The following CACNA1C variants were observed in gnomAD, a reference collection of about 807,000 sequenced individuals.
CACNA1C encodes calcium voltage-gated channel subunit alpha1 C.
In CACNA1C, 30 loss-of-function variants were observed where a neutral mutation model predicts 229.0. The ratio of observed to expected loss-of-function variants is 0.13; its 90% CI spans 0.10 to 0.18. CACNA1C has a LOEUF of 0.18. CACNA1C is among the 10% of genes least tolerant of loss of function. CACNA1C has a pLI of 1.00. For synonymous variants in CACNA1C, 1,114 were observed against 1,132.5 expected, an observed-to-expected ratio of 0.98 and a Z score of 0.33; for missense variants, 1,658 against 2,845.0, an observed-to-expected ratio of 0.58 and a Z score of 9.49.
intron 1 of CACNA1C, among the ~76,000 whole-genome samples, chr12:2,062,097 ACCCCCAG>A: frequency 6.6e-6 from 1 of 152,158 alleles, no homozygotes; most frequent in Non-Finnish European, 1.5e-5. Context: ...ACCTTGTTCT[ACCCCCAG>A]CTCTGGTCCT....
chr12:2,163,792 C>T (rs1053097070), intron 3 of CACNA1C, among the ~76,000 whole-genome samples: 47 of 152,186 alleles, frequency 3.1e-4, no homozygotes, highest in South Asian at 8.3e-4. Context: ...GATGATGGCT[C>T]GGCGGGGTCA....
At chr12:2,415,466 C>T (rs1208175136) in intron 3 of CACNA1C, among the ~76,000 whole-genome samples, 1 of 152,198 alleles carries the variant, frequency 6.6e-6, no homozygotes, top group Non-Finnish European at 1.5e-5. Flanking sequence ...AAATATTCAG[C>T]TTTTCTTCCA....
chr12:2,383,756 C>A (rs963350659), intron 3 of CACNA1C, among the ~76,000 whole-genome samples: 1 of 152,142 alleles, frequency 6.6e-6, no homozygotes, highest in Non-Finnish European at 1.5e-5. Flanking sequence ...AGTGAAGTAC[C>A]CTTTGCCCCA....
intron 30 of CACNA1C, among the ~76,000 whole-genome samples, chr12:2,643,864 T>G (rs917780113): frequency 6.6e-6 from 1 of 152,092 alleles, no homozygotes; most frequent in Non-Finnish European, 1.5e-5. Context: ...CCGAGGTCTC[T>G]CCCTCAAAGC....
chr12:2,084,119 T>C (rs945580874), intron 1 of CACNA1C, among the ~76,000 whole-genome samples: 2 of 152,212 alleles, frequency 1.3e-5, no homozygotes, highest in African/African-American at 4.8e-5. Context: ...TTGAAAAACT[T>C]TTCACATAGT....
chr12:2,626,006 T>A (rs1426729522), intron 29 of CACNA1C, among the ~76,000 whole-genome samples: 1 of 152,222 alleles, frequency 6.6e-6, no homozygotes, highest in East Asian at 1.9e-4. Context: ...ACTCTGGTTA[T>A]TCCCATGTTG....
chr12:2,321,871 G>A (rs887646965), intron 3 of CACNA1C, among the ~76,000 whole-genome samples: 2 of 152,184 alleles, frequency 1.3e-5, no homozygotes, highest in Admixed American at 6.5e-5. Flanking sequence ...TTCCTTCCTC[G>A]AAGGTAAAGT....
chr12:2,089,549 A>G (rs537060738), intron 1 of CACNA1C, among the ~76,000 whole-genome samples: 1 of 152,334 alleles, frequency 6.6e-6, no homozygotes, highest in Admixed American at 6.5e-5. Context: ...AGGATGCCAT[A>G]AGAATCTTGG....
At chr12:2,685,492 G>A (rs1280332728) in intron 43 of CACNA1C, among the ~76,000 whole-genome samples, 2 of 151,922 alleles carry the variant, frequency 1.3e-5, no homozygotes, top group Non-Finnish European at 2.9e-5. Context: ...CCCCAAGTCA[G>A]AACTGCAGGC....
At position 2,649,682 on chromosome 12, in the gene CACNA1C, T is replaced by G. The variant is rs971731397; in HGVS notation, c.3945+1175T>G. 4.3e-5 allele frequency among the ~76,000 whole-genome samples: 6 copies of G among 139,102 alleles called. No homozygotes were observed. Among genetic ancestry groups the G allele is most frequent in the African/African-American group, 8.7e-5 (3 of 34,440 alleles). The allele number at this position is 139,102 out of a possible 152,430, so 91.3% of individuals were successfully genotyped here. A position where few individuals can be genotyped will look rare whatever the true frequency, so the allele number is the denominator to read the frequency against. On this transcript the variant is annotated intron_variant, in intron 31 of 46. Coordinates refer to ENST00000399655, the MANE Select transcript of CACNA1C (RefSeq NM_000719.7). This position sits in a 1 kb window ranked among gnomAD's most constrained non-coding sequence, Gnocchi z 4.4. ...AGCTTGGTGTTTGGCGTTTTTTGGG[T>G]TTTTTTGTTTGTTTATTTTGTTTTT...
chr12:2,221,494 G>T (rs2061461514), intron 3 of CACNA1C: 1 of 152,222 alleles, frequency 6.6e-6, no homozygotes, highest in Non-Finnish European at 1.5e-5. Context: ...GGGCAAGGAG[G>T]CCTCAAAGGA....
intron 1 of CACNA1C, chr12:2,020,548 G>A (rs188470602): frequency 5.1e-4 from 77 of 152,298 alleles, no homozygotes; most frequent in African/African-American, 1.7e-3. Flanking sequence ...GACTACTTAC[G>A]GCAGCAGAGG....
chr12:2,519,362 G>A (rs1229725837), intron 9 of CACNA1C, among the ~76,000 whole-genome samples: 1 of 152,246 alleles, frequency 6.6e-6, no homozygotes, highest in African/African-American at 2.4e-5. Context: ...GCTCTAAGCT[G>A]TTGGAACAGG....
chr12:2,289,908 T>A (rs553370062), intron 3 of CACNA1C, among the ~76,000 whole-genome samples: 1 of 152,338 alleles, frequency 6.6e-6, no homozygotes, highest in South Asian at 2.1e-4. Flanking sequence ...TATTTGCACT[T>A]GGAGGATCAC....
rs947323095 is a variant in CACNA1C at position 2,346,434 on chromosome 12, G to A, written c.478-102542G>A. On this transcript the variant is annotated intron_variant, in intron 3 of 46. Coordinates refer to ENST00000399655, the MANE Select transcript of CACNA1C (RefSeq NM_000719.7). The surrounding 1 kb of genome is among the most constrained non-coding windows in gnomAD (Gnocchi z 4.4). ...ACCCCCTTCCCCAGGCTTGGGACAA[G>A]CTCACATTCCACAGGTCCTAGAGGA... is the stretch of plus-strand genomic sequence containing the variant. Among the ~76,000 whole-genome samples the A allele has an allele frequency of 6.6e-6, 1 of 152,214 alleles. No homozygotes were observed. The highest frequency in any genetic ancestry group is 2.4e-5 in the African/African-American group (1 of 41,462).
intron 1 of CACNA1C, among the ~76,000 whole-genome samples, chr12:2,090,388 G>A (rs2070250394): frequency 7.2e-6 from 1 of 139,724 alleles, no homozygotes; most frequent in African/African-American, 2.8e-5. Flanking sequence ...CATGATCTCG[G>A]CTCACTGCAA....
intron 9 of CACNA1C, among the ~76,000 whole-genome samples, chr12:2,517,398 C>T (rs937406674): frequency 1.3e-5 from 2 of 152,208 alleles, no homozygotes; most frequent in Admixed American, 6.5e-5. Context: ...TAGCCCATCA[C>T]GATGTTCCCT....
At chr12:2,528,766 A>G (rs2099833811) in intron 9 of CACNA1C, among the ~76,000 whole-genome samples, 1 of 152,164 alleles carries the variant, frequency 6.6e-6, no homozygotes, top group South Asian at 2.1e-4. Flanking sequence ...GGGAAAGGTG[A>G]TTGGGGGTAA....
intron 3 of CACNA1C, among the ~76,000 whole-genome samples, chr12:2,219,400 AGTG>A (rs1208204482): frequency 6.6e-6 from 1 of 152,216 alleles, no homozygotes; most frequent in Non-Finnish European, 1.5e-5. Flanking sequence ...ACCTCACTGA[AGTG>A]GAGAGACCAA....
Sources: allele counts gnomAD v4.1 joint callset (sites outside exome capture counted in the v4.1 genomes callset), GRCh38; gene constraint gnomAD v4.1.1; non-coding constraint Gnocchi (gnomAD v3.1); transcripts MANE v1.5; gene names NCBI Gene and HGNC (gene_info 2026-07-23, HGNC 2026-07-21).